The following STARD5 variants were observed in gnomAD, a reference collection of about 807,000 sequenced individuals.
The protein encoded by STARD5 is stAR-related lipid transfer protein 5.
STARD5 carries 26 observed loss-of-function variants against 24.6 expected under a neutral mutation model. The ratio of observed to expected loss-of-function variants is 1.06; its 90% CI spans 0.77 to 1.47. The LOEUF is 1.47. Among genes scored for constraint, STARD5 ranks in the 40% most tolerant of loss-of-function variants. The probability of loss-of-function intolerance (pLI) is 0.00; values close to 1 mark genes in which losing one functional copy is unlikely to be tolerated. For synonymous variants in STARD5, 101 were observed against 99.7 expected (o/e 1.01, Z -0.07); for missense variants, 254 against 270.8 (o/e 0.94, Z 0.44).
In STARD5 at chr15:81,313,342, G is replaced by C. The variant is rs1443395468; in HGVS notation, c.556C>G (p.Gln186Glu). The change falls in exon 6 of 6, where the codon CAG becomes GAG. Residue 186 changes from glutamine to glutamate, a missense_variant. Gln to Glu is a conservative substitution (Grantham distance 29, BLOSUM62 2). Transcript: ENST00000302824. ...GGGAAGAAGGAGTCCACCACGTTCT[G>C]TGGGAGGTAACCGCTGAGGTCGGTA... ...FHTDLSGYLPQNVVDSFFPRS... is the reference protein window; with the variant it reads ...FHTDLSGYLPENVVDSFFPRS... 6.3e-7 allele frequency: 1 copy of C among 1,582,064 alleles called. No individual in the cohort carries two copies.
intron 4 of STARD5, among the ~76,000 whole-genome samples, 160 bp from the exon 5 acceptor site, chr15:81,318,662 C>G (rs1257465445): frequency 6.6e-6 from 1 of 152,158 alleles, no homozygotes; most frequent in Admixed American, 6.5e-5. Flanking sequence ...CACCCTACTG[C>G]CCCTTACACT....
chr15:81,315,360 C>T (rs1171493098), intron 5 of STARD5, among the ~76,000 whole-genome samples: 1 of 152,114 alleles, frequency 6.6e-6, no homozygotes, highest in African/African-American at 2.4e-5. Flanking sequence ...AAACTCTCTT[C>T]GTCACAGTGG....
Position 81,311,312 on chromosome 15 carries a change from C to T in STARD5, c.*1944G>A, listed in dbSNP as rs1246589853. The T allele has an allele frequency of 2.6e-5, 4 of 152,242 alleles. No homozygotes were observed. Among genetic ancestry groups the T allele is most frequent in the Non-Finnish European group, 5.9e-5 (4 of 68,040 alleles). The allele number at this position is 152,242 out of a possible 1,614,324, so 9.4% of individuals were successfully genotyped here. A position where few individuals can be genotyped will look rare whatever the true frequency, so the allele number is the denominator to read the frequency against. ...TTTTACTGATTCATACATTATCTCA[C>T]TTGTGCCAACACTCAAGAAGCAGGC... On this transcript the variant is annotated 3_prime_UTR_variant, in exon 6 of 6. Transcript: ENST00000302824.
intron 5 of STARD5, among the ~76,000 whole-genome samples, chr15:81,317,893 A>T (rs1901115317): frequency 6.6e-6 from 1 of 152,220 alleles, no homozygotes; most frequent in Admixed American, 6.5e-5. Context: ...GCTGACTTAC[A>T]GTGTGGTCTC....
chr15:81,319,312 A>G, intron 4 of STARD5, 27 bp downstream of exon 4: 1 of 1,585,148 alleles, frequency 6.3e-7, no homozygotes, highest in Non-Finnish European at 8.7e-7. Flanking sequence ...GCAGGAAGGC[A>G]TGGCAGCTCC....
intron 5 of STARD5, chr15:81,314,023 AAT>A (rs903867677): frequency 3.3e-5 from 5 of 152,230 alleles, no homozygotes; most frequent in African/African-American, 9.6e-5. Context: ...GTTTTAAAAA[AAT>A]AGTTTTTTAA....
At chr15:81,321,662 T>C (rs1434833360) in intron 3 of STARD5, among the ~76,000 whole-genome samples, 2 of 150,618 alleles carry the variant, frequency 1.3e-5, no homozygotes, top group African/African-American at 4.9e-5. Flanking sequence ...TTAAAAAAAC[T>C]TCTATTTCTA....
Position 81,312,712 on chromosome 15 carries a change from T to C in STARD5, c.*544A>G, listed in dbSNP as rs1900927298. The stretch of plus-strand genomic sequence containing the variant: ...CTGTTTTTAAACCATTATTTCCAAG[T>C]TGACACCTTTTTTAAGGAAAAATAA... On this transcript the variant is annotated 3_prime_UTR_variant, in exon 6 of 6. Transcript: ENST00000302824. 6.6e-6 allele frequency: 1 copy of C among 152,278 alleles called. No individual in the cohort carries two copies. The highest frequency in any genetic ancestry group is 1.5e-5 in the Non-Finnish European group (1 of 68,052). 9.4% of individuals were successfully genotyped at this position (152,278 alleles called of 1,614,324 possible). A position where few individuals can be genotyped will look rare whatever the true frequency, so the allele number is the denominator to read the frequency against.
intron 4 of STARD5, 33 bp from the exon 5 acceptor site, chr15:81,318,535 A>G: frequency 6.3e-7 from 1 of 1,592,192 alleles, no homozygotes; most frequent in Non-Finnish European, 8.6e-7. Context: ...GGTGAGTTAC[A>G]ACTTCAGACG....
intron 5 of STARD5, among the ~76,000 whole-genome samples, chr15:81,316,082 G>T (rs1901077231): frequency 6.6e-6 from 1 of 152,098 alleles, no homozygotes; most frequent in Non-Finnish European, 1.5e-5. Flanking sequence ...CCCCGCTCTT[G>T]CTCCGGCTCC....
intron 3 of STARD5, among the ~76,000 whole-genome samples, chr15:81,319,844 GACTA>G (rs1246199802): frequency 4.6e-5 from 7 of 152,212 alleles, no homozygotes; most frequent in African/African-American, 1.4e-4. Context: ...CACTTAGAGA[GACTA>G]AGGAACTCAG....
chr15:81,317,375 G>A (rs1901106478), intron 5 of STARD5, among the ~76,000 whole-genome samples: 1 of 152,136 alleles, frequency 6.6e-6, no homozygotes, highest in Admixed American at 6.5e-5. Context: ...CCACTGAAAG[G>A]TGAGTCTTAG....
rs1283889051 is a variant in STARD5, at chr15:81,310,857, T to C, written c.*2399A>G. The stretch of plus-strand genomic sequence containing the variant: ...TTGAGAGACCAGGCAAAGCAAGTGA[T>C]TGGGACAGAGGTTATCTGTCCCAGG... On this transcript the variant is annotated 3_prime_UTR_variant, in exon 6 of 6. Transcript: ENST00000302824. The C allele has an allele frequency of 1.3e-5, 2 of 152,266 alleles. No homozygotes were observed. Among genetic ancestry groups the C allele is most frequent in the Non-Finnish European group, 2.9e-5 (2 of 68,094 alleles). The allele number at this position is 152,266 out of a possible 1,614,324, so 9.4% of individuals were successfully genotyped here.
chr15:81,315,935 C>CT (rs1351488511), intron 5 of STARD5, among the ~76,000 whole-genome samples: 1 of 152,168 alleles, frequency 6.6e-6, no homozygotes, highest in African/African-American at 2.4e-5. Flanking sequence ...ATGTCCTGCT[C>CT]AGGCCTCCCC....
At position 81,318,483 on chromosome 15, in the gene STARD5, C is replaced by T. The variant is rs745597504; in HGVS notation, c.420G>A (p.Pro140=). 6.0e-5 allele frequency: 97 copies of T among 1,613,982 alleles called. No homozygotes were observed. Among genetic ancestry groups the T allele is most frequent in the Admixed American group, 3.2e-4 (19 of 59,996 alleles). The part of the protein sequence containing the change: ...ISSNATHVEH[P]LCPPKPGFVR... Reference sequence around the variant, plus strand: ...CAAAACCTGGCTTCGGGGGACATAACGGATGCTCCACATGGGTGGCTGGAA... The same window carrying T: ...CAAAACCTGGCTTCGGGGGACATAATGGATGCTCCACATGGGTGGCTGGAA... The change falls in exon 5 of 6, where the codon CCG becomes CCA. Residue 140 remains proline, a synonymous_variant. Coordinates refer to ENST00000302824, the MANE Select transcript of STARD5 (RefSeq NM_181900.3).
In STARD5 at chr15:81,322,401, G is replaced by A. The variant is rs776100090; in HGVS notation, c.282+7C>T. 3.1e-5 allele frequency: 50 copies of A among 1,614,078 alleles called. No homozygotes were observed. The South Asian group carries it at 5.3e-4, about 17-fold the overall frequency. On this transcript the variant is annotated splice_region_variant and intron_variant, in intron 3 of 5. Transcript: ENST00000302824. ...TATCTAGAGATAACATGCTTGGAAA[G>A]ACTTACGTCAGTGATGCTTTGGATA... is the stretch of plus-strand genomic sequence containing the variant.
At chr15:81,313,462 G>T (rs976158769) in intron 5 of STARD5, 59 bp from the exon 6 acceptor site, 6 of 1,431,936 alleles carry the variant, frequency 4.2e-6, no homozygotes, top group Non-Finnish European at 5.5e-6. Context: ...GGGGACGAGC[G>T]CCAGGCAGGT....
intron 1 of STARD5, 128 bp downstream of exon 1, chr15:81,323,873 C>T (rs1893337808): frequency 3.2e-6 from 3 of 929,686 alleles, no homozygotes; most frequent in Non-Finnish European, 3.3e-6. Flanking sequence ...CATTGGAATC[C>T]CTCTCAATCG....
chr15:81,318,543 A>G, intron 4 of STARD5, 41 bp from the exon 5 acceptor site: 1 of 1,579,912 alleles, frequency 6.3e-7, no homozygotes, highest in Non-Finnish European at 8.7e-7. Flanking sequence ...ACAACTTCAG[A>G]CGGTCAGGTC....
Sources: allele counts gnomAD v4.1 joint callset (sites outside exome capture counted in the v4.1 genomes callset), GRCh38; gene constraint gnomAD v4.1.1; transcripts MANE v1.5; gene names NCBI Gene and HGNC (gene_info 2026-07-23, HGNC 2026-07-21).